METTL15: variants seen among roughly 807,000 people sequenced by gnomAD.
The protein encoded by METTL15 is methyltransferase 15, mitochondrial 12S rRNA N4-cytidine, also known as 12S rRNA N(4)-cytidine methyltransferase METTL15.
METTL15 carries 34 observed loss-of-function variants against 38.3 expected under a neutral mutation model. That is an observed-to-expected ratio of 0.89 (90% CI 0.68 to 1.18). METTL15 has a LOEUF of 1.18. Ranked by LOEUF, METTL15 falls within the 50% of genes most tolerant of loss-of-function variation. The pLI is 0.00. For missense variants in METTL15, 438 were observed against 498.4 expected, an observed-to-expected ratio of 0.88 and a Z score of 1.15; for synonymous variants, 162 against 170.9, an observed-to-expected ratio of 0.95 and a Z score of 0.41.
Position 28,140,862 on chromosome 11 carries a change from C to T in METTL15, c.270+27258C>T, listed in dbSNP as rs145607844. 3.9e-3 allele frequency among the ~76,000 whole-genome samples: 596 copies of T among 152,252 alleles called. 6 individuals carry two copies. Among genetic ancestry groups the T allele is most frequent in the African/African-American group, 0.013 (554 of 41,540 alleles). Reference sequence around the variant, plus strand: ...CCTGTGGGCGTGTGGGCACTTAGTCCGCTGCGGGCATGTTTAGGCAAAGCT... The same window carrying T: ...CCTGTGGGCGTGTGGGCACTTAGTCTGCTGCGGGCATGTTTAGGCAAAGCT... On this transcript the variant is annotated intron_variant, in intron 3 of 6. Transcript: ENST00000407364.
At chr11:28,275,382 C>T (rs767989121) in intron 4 of METTL15, among the ~76,000 whole-genome samples, 2 of 151,750 alleles carry the variant, frequency 1.3e-5, no homozygotes, top group Non-Finnish European at 2.9e-5. Flanking sequence ...TTCTGAGAAA[C>T]ATACAACCTG....
At chr11:28,465,649 A>C (rs974775462) in intron 6 of METTL15, among the ~76,000 whole-genome samples, 1 of 152,154 alleles carries the variant, frequency 6.6e-6, no homozygotes, top group Non-Finnish European at 1.5e-5. Context: ...TTTTGCCTGT[A>C]TCCCCCAGCC....
At chr11:28,172,924 C>T (rs1486380213) in intron 3 of METTL15, among the ~76,000 whole-genome samples, 1 of 152,102 alleles carries the variant, frequency 6.6e-6, no homozygotes. Context: ...TCTTCTTTCA[C>T]ATTTCACTTT....
chr11:28,469,538 A>G (rs1006981352), intron 6 of METTL15, among the ~76,000 whole-genome samples: 1 of 152,182 alleles, frequency 6.6e-6, no homozygotes, highest in Admixed American at 6.5e-5. Context: ...TGACTCCACC[A>G]CTACTGGAAT....
At chr11:28,187,953 G>C (rs899283527) in intron 3 of METTL15, among the ~76,000 whole-genome samples, 42 of 151,300 alleles carry the variant, frequency 2.8e-4, no homozygotes, top group African/African-American at 9.9e-4. Context: ...TATAGTGCTT[G>C]AGAATATATT....
chr11:28,190,275 A>C (rs1851651720), intron 3 of METTL15, among the ~76,000 whole-genome samples: 1 of 151,184 alleles, frequency 6.6e-6, no homozygotes, highest in Non-Finnish European at 1.5e-5. Flanking sequence ...AATAACAAAG[A>C]GAATTTATAT....
intron 6 of METTL15, among the ~76,000 whole-genome samples, chr11:28,476,161 A>G (rs1359598443): frequency 1.3e-5 from 2 of 152,226 alleles, no homozygotes; most frequent in Non-Finnish European, 2.9e-5. Flanking sequence ...TAGGAAAAAT[A>G]TTCCTGGCTT....
intron 4 of METTL15, among the ~76,000 whole-genome samples, chr11:28,235,518 T>C (rs1044940293): frequency 2.0e-5 from 3 of 152,202 alleles, no homozygotes; most frequent in Non-Finnish European, 2.9e-5. Context: ...AAGAGGTCCT[T>C]CACGTCCCTT....
chr11:28,374,040 C>T (rs1850277209), intron 5 of METTL15, among the ~76,000 whole-genome samples: 1 of 152,088 alleles, frequency 6.6e-6, no homozygotes, highest in Non-Finnish European at 1.5e-5. Flanking sequence ...TGTTTTGGTA[C>T]CAGTGCCATG....
At chr11:28,222,122 T>A (rs1853259693) in intron 4 of METTL15, among the ~76,000 whole-genome samples, 1 of 152,176 alleles carries the variant, frequency 6.6e-6, no homozygotes, top group Admixed American at 6.5e-5. Context: ...TTCTGCTGCC[T>A]TTTGTTTAGC....
At chr11:28,141,413 G>A (rs1385332253) in intron 3 of METTL15, among the ~76,000 whole-genome samples, 3 of 152,014 alleles carry the variant, frequency 2.0e-5, no homozygotes, top group Non-Finnish European at 4.4e-5. Context: ...GAGCAACTGG[G>A]GAAGACTTTG....
At chr11:28,402,102 A>G (rs1850635679) in intron 5 of METTL15, among the ~76,000 whole-genome samples, 1 of 151,980 alleles carries the variant, frequency 6.6e-6, no homozygotes, top group African/African-American at 2.4e-5. Flanking sequence ...AACGTTGTGA[A>G]CAGAGTTGTT....
intron 6 of METTL15, among the ~76,000 whole-genome samples, chr11:28,323,592 A>T (rs1849539761): frequency 6.6e-6 from 1 of 152,210 alleles, no homozygotes; most frequent in African/African-American, 2.4e-5. Context: ...GGTTCAGTTA[A>T]GAGCAAGGTC....
At chr11:28,162,115 A>C (rs1220584386) in intron 3 of METTL15, among the ~76,000 whole-genome samples, 1 of 152,168 alleles carries the variant, frequency 6.6e-6, no homozygotes, top group Admixed American at 6.5e-5. Flanking sequence ...TCCTTCTTGC[A>C]GATGAAACTG....
chr11:28,157,579 C>T (rs1427342910), intron 3 of METTL15, among the ~76,000 whole-genome samples: 1 of 152,168 alleles, frequency 6.6e-6, no homozygotes, highest in East Asian at 1.9e-4. Flanking sequence ...GAACATTTGA[C>T]TATATGTCAT....
chr11:28,272,384 A>G (rs1414756912), intron 4 of METTL15, among the ~76,000 whole-genome samples: 1 of 152,206 alleles, frequency 6.6e-6, no homozygotes, highest in Non-Finnish European at 1.5e-5. Flanking sequence ...AATACTATGC[A>G]GCCATAAAAA....
chr11:28,197,914 A>C (rs1176417998), intron 3 of METTL15, among the ~76,000 whole-genome samples: 4 of 152,106 alleles, frequency 2.6e-5, no homozygotes, highest in Admixed American at 1.3e-4. Context: ...CACTAAAATG[A>C]CTTGTGCCAA....
chr11:28,111,956 A>AT (rs754845998), intron 2 of METTL15, among the ~76,000 whole-genome samples: 2 of 151,684 alleles, frequency 1.3e-5, no homozygotes, highest in South Asian at 2.1e-4. Flanking sequence ...TAGATCACTC[A>AT]TTCCCCCCCC....
chr11:28,111,866 C>CA (rs1214187897), intron 2 of METTL15, among the ~76,000 whole-genome samples: 22 of 152,160 alleles, frequency 1.4e-4, no homozygotes, highest in African/African-American at 5.3e-4. Context: ...GTTGAGCTTA[C>CA]TTTTGTACGC....
Sources: allele counts gnomAD v4.1 joint callset (sites outside exome capture counted in the v4.1 genomes callset), GRCh38; gene constraint gnomAD v4.1.1; transcripts MANE v1.5; gene names NCBI Gene and HGNC (gene_info 2026-07-23, HGNC 2026-07-21).